The following EDARADD variants were observed in gnomAD, a reference collection of about 807,000 sequenced individuals.
The protein encoded by EDARADD is EDAR associated via death domain.
In EDARADD, 20 loss-of-function variants were observed where a neutral mutation model predicts 25.6. That is an observed-to-expected ratio of 0.78 (90% CI 0.55 to 1.14). The LOEUF (loss-of-function observed/expected upper bound fraction) is 1.14, where lower values mean the gene tolerates loss of function less well. Among genes scored for constraint, EDARADD ranks in the 50% most tolerant of loss-of-function variants. EDARADD has a pLI of 0.00. For synonymous variants in EDARADD, 86 were observed against 94.4 expected (o/e 0.91, Z 0.52); for missense variants, 225 against 270.1 (o/e 0.83, Z 1.17).
chr1:236,402,758 TG>T (rs1262897084), intron 1 of EDARADD, among the ~76,000 whole-genome samples: 1 of 151,938 alleles, frequency 6.6e-6, no homozygotes, highest in African/African-American at 2.4e-5. Context: ...AGGCAGATTA[TG>T]AAGCCAGAAA....
chr1:236,482,322 C>A lies in EDARADD; in HGVS notation c.321C>A (p.Leu107=), dbSNP rs754505568. The stretch of plus-strand genomic sequence containing the variant: ...ACTGTACTTGTTCCTCCTGCTTGCT[C>A]CGGGCCCCCACCATAAGTGACTTGC... ...KENCTCSSCL[L]RAPTISDLLN... The change falls in exon 6 of 6, where the codon CTC becomes CTA. Residue 107 remains leucine (L), a synonymous_variant. Transcript: ENST00000334232. 5.6e-6 allele frequency: 9 copies of A among 1,614,002 alleles called. No homozygotes were observed. The South Asian group carries it at 9.9e-5, about 18-fold the overall frequency.
intron 3 of EDARADD, among the ~76,000 whole-genome samples, chr1:236,374,843 T>C (rs2102994428): frequency 8.0e-6 from 1 of 125,724 alleles, no homozygotes; most frequent in East Asian, 2.6e-4. Flanking sequence ...TGGGTCTTTT[T>C]TTGATCCACT....
intron 3 of EDARADD, among the ~76,000 whole-genome samples, chr1:236,381,801 C>CTTTGTTTTTTTTTT (rs1667303412): frequency 2.4e-5 from 1 of 42,078 alleles, no homozygotes; most frequent in Non-Finnish European, 3.9e-5. Context: ...CCTGTGGTTG[C>CTTTGTTTTTTTTTT]TTTTTTTTTT....
At chr1:236,472,226 G>T (rs1659377754) in intron 5 of EDARADD, among the ~76,000 whole-genome samples, 1 of 152,130 alleles carries the variant, frequency 6.6e-6, no homozygotes, top group South Asian at 2.1e-4. Flanking sequence ...CACAGACATG[G>T]TATCTCTCAA....
At chr1:236,437,566 T>C (rs1021020687) in intron 4 of EDARADD, among the ~76,000 whole-genome samples, 2 of 151,828 alleles carry the variant, frequency 1.3e-5, no homozygotes, top group Non-Finnish European at 2.9e-5. Context: ...GGGCCTGGAT[T>C]TGGGTTGTGG....
At chr1:236,468,485 G>T (rs1239598285) in intron 5 of EDARADD, among the ~76,000 whole-genome samples, 1 of 152,140 alleles carries the variant, frequency 6.6e-6, no homozygotes, top group Admixed American at 6.6e-5. Context: ...TTAGCTGGTT[G>T]TGGTGGGCGC....
At position 236,473,697 on chromosome 1, in the gene EDARADD, G is replaced by A. The variant is rs116059064; in HGVS notation, c.265+5421G>A. Among the ~76,000 whole-genome samples, 1,059 of 152,170 alleles carry A rather than the reference G, an allele frequency of 7.0e-3. 5 individuals carry two copies. The highest frequency in any genetic ancestry group is 0.012 in the Non-Finnish European group (804 of 67,992). On this transcript the variant is annotated intron_variant, in intron 5 of 5. Transcript: ENST00000334232. ...CTACTCAGGAGGCTGAGGTGGGAGC[G>A]TTGTTTGAACCCGGGAGGTGGAGGC...
At chr1:236,410,972 C>T (rs1657450997) in intron 2 of EDARADD, among the ~76,000 whole-genome samples, 1 of 152,130 alleles carries the variant, frequency 6.6e-6, no homozygotes, top group Non-Finnish European at 1.5e-5. Context: ...TTATATGTCT[C>T]TGGAGTAGCT....
At chr1:236,358,431 G>T (rs1301675490) in intron 3 of EDARADD, among the ~76,000 whole-genome samples, 1 of 152,182 alleles carries the variant, frequency 6.6e-6, no homozygotes, top group African/African-American at 2.4e-5. Flanking sequence ...TCTTCTGCTA[G>T]CTTTGGCATT....
intron 4 of EDARADD, among the ~76,000 whole-genome samples, chr1:236,439,385 C>T (rs1266529560): frequency 6.6e-6 from 1 of 152,218 alleles, no homozygotes; most frequent in Non-Finnish European, 1.5e-5. Context: ...ATTGCTGGCT[C>T]ATACAGCAAG....
At chr1:236,476,218 A>AAATC (rs1659500572) in intron 5 of EDARADD, among the ~76,000 whole-genome samples, 1 of 151,694 alleles carries the variant, frequency 6.6e-6, no homozygotes, top group Non-Finnish European at 1.5e-5. Context: ...ATAAATAAAT[A>AAATC]AATAAATAAA....
chr1:236,366,596 A>G (rs1243482535), intron 3 of EDARADD, among the ~76,000 whole-genome samples: 1 of 152,168 alleles, frequency 6.6e-6, no homozygotes, highest in Non-Finnish European at 1.5e-5. Context: ...ACCTATGAAC[A>G]CTAACTGCTT....
chr1:236,377,612 C>A (rs1180257455), intron 3 of EDARADD, among the ~76,000 whole-genome samples: 3 of 151,474 alleles, frequency 2.0e-5, no homozygotes, highest in Admixed American at 6.6e-5. Context: ...GTAATCCCAG[C>A]ACTTTGGGAG....
intron 5 of EDARADD, among the ~76,000 whole-genome samples, chr1:236,481,870 T>C (rs1224656064): frequency 1.3e-5 from 2 of 151,232 alleles, no homozygotes; most frequent in Non-Finnish European, 2.9e-5. Context: ...TCGCAGCACT[T>C]TGGGAGGCCG....
chr1:236,482,604 G>A lies in EDARADD; in HGVS notation c.603G>A (p.Glu201=), dbSNP rs374279273. The A allele has an allele frequency of 5.6e-6, 9 of 1,612,522 alleles. No individual in the cohort carries two copies. The East Asian group carries it at 6.7e-5, about 12-fold the overall frequency. Residue 201 remains glutamate, a synonymous_variant, in exon 6 of 6, where the codon GAG becomes GAA. Transcript: ENST00000334232. ...AGGTTCTGCGCAGGTGGGTGGACGA[G>A]GAGTGGCCCAAGCGGGAGCGTGGAG... is the stretch of plus-strand genomic sequence containing the variant. ...VEKVLRRWVD[E]EWPKRERGDP...
chr1:236,407,698 C>A (rs1401221042), intron 1 of EDARADD, among the ~76,000 whole-genome samples: 2 of 150,260 alleles, frequency 1.3e-5, no homozygotes, highest in East Asian at 3.9e-4. Flanking sequence ...TCGTTCACTG[C>A]ACAAATCTGG....
upstream of EDARADD, among the ~76,000 whole-genome samples, chr1:236,392,070 T>C (rs1456008102): frequency 6.6e-6 from 1 of 152,202 alleles, no homozygotes; most frequent in Non-Finnish European, 1.5e-5. Context: ...AGTCAGGGAC[T>C]TCTCATTTGG....
At chr1:236,352,444 C>T (rs965370112) in intron 3 of EDARADD, among the ~76,000 whole-genome samples, 1 of 152,160 alleles carries the variant, frequency 6.6e-6, no homozygotes, top group East Asian at 1.9e-4. Context: ...GTGGCTCGTG[C>T]CTATAATCCC....
intron 4 of EDARADD, among the ~76,000 whole-genome samples, chr1:236,427,699 A>G (rs530254899): frequency 6.6e-6 from 1 of 152,276 alleles, no homozygotes; most frequent in African/African-American, 2.4e-5. Context: ...CAGAAAATCA[A>G]TGCTGGTGAG....
Sources: allele counts gnomAD v4.1 joint callset (sites outside exome capture counted in the v4.1 genomes callset), GRCh38; gene constraint gnomAD v4.1.1; transcripts MANE v1.5; gene names NCBI Gene and HGNC (gene_info 2026-07-23, HGNC 2026-07-21).